The following OR51B5 variants were observed in gnomAD, a reference collection of about 807,000 sequenced individuals.
OR51B5 encodes olfactory receptor 51B5.
For missense variants in OR51B5, 456 were observed against 374.6 expected (o/e 1.22, Z -1.79); for synonymous variants, 186 against 144.8 (o/e 1.28, Z -2.04).
intron 1 of OR51B5, among the ~76,000 whole-genome samples, chr11:5,369,732 C>T (rs913164446): frequency 2.6e-5 from 4 of 152,126 alleles, no homozygotes; most frequent in South Asian, 2.1e-4. Flanking sequence ...TGAACATACT[C>T]AAATAAATAG....
intron 1 of OR51B5, among the ~76,000 whole-genome samples, chr11:5,407,589 A>T (rs1175157889): frequency 6.6e-6 from 1 of 152,094 alleles, no homozygotes; most frequent in African/African-American, 2.4e-5. Flanking sequence ...TAATAGTTGT[A>T]TTAATACCTG....
chr11:5,447,394 G>A (rs910882095), intron 1 of OR51B5, among the ~76,000 whole-genome samples: 23 of 152,214 alleles, frequency 1.5e-4, no homozygotes, highest in African/African-American at 5.5e-4. Flanking sequence ...GCTCACTTTG[G>A]CTGTAGTTCT....
In OR51B5 at chr11:5,364,993, T is replaced by C. The variant is rs565292032; in HGVS notation, n.85-18083A>G. ...GAAGTAACAGAAGGCTACAAGGGGA[T>C]TTCTCAAGTAACTGCTTCTTCTTGT... On this transcript the variant is annotated intron_variant and non_coding_transcript_variant, in intron 1 of 4. Coordinates refer to the OR51B5 transcript ENST00000415970. Among the ~76,000 whole-genome samples, 4 of 152,200 alleles carry C rather than the reference T, an allele frequency of 2.6e-5. No homozygotes were observed. In the South Asian group the frequency reaches 8.3e-4, roughly 32 times the overall value.
At chr11:5,474,112 T>A (rs746410921) in intron 1 of OR51B5, among the ~76,000 whole-genome samples, 2 of 152,186 alleles carry the variant, frequency 1.3e-5, no homozygotes, top group African/African-American at 4.8e-5. Flanking sequence ...TTACTATTTA[T>A]TGATGACCAA....
intron 1 of OR51B5, among the ~76,000 whole-genome samples, chr11:5,406,441 T>C (rs1850059356): frequency 6.6e-6 from 1 of 152,138 alleles, no homozygotes; most frequent in Non-Finnish European, 1.5e-5. Context: ...AATCTCTTGG[T>C]GTCTATGAAA....
At chr11:5,443,046 T>C (rs1158232357) in intron 1 of OR51B5, among the ~76,000 whole-genome samples, 1 of 152,110 alleles carries the variant, frequency 6.6e-6, no homozygotes, top group Admixed American at 6.6e-5. Flanking sequence ...TCAGGCAAAA[T>C]AAACAATAGT....
At chr11:5,438,053 C>T (rs556547158) in intron 1 of OR51B5, among the ~76,000 whole-genome samples, 4 of 152,210 alleles carry the variant, frequency 2.6e-5, no homozygotes, top group Admixed American at 1.3e-4. Context: ...AAAAATTATG[C>T]GTTGGGAACC....
chr11:5,413,501 T>C (rs1850184453), intron 1 of OR51B5, among the ~76,000 whole-genome samples: 1 of 152,008 alleles, frequency 6.6e-6, no homozygotes, highest in African/African-American at 2.4e-5. Context: ...CAGGAGGAAA[T>C]TCAAACCAAA....
intron 1 of OR51B5, chr11:5,440,866 G>T: frequency 6.2e-7 from 1 of 1,613,804 alleles, no homozygotes. Context: ...TAGGAAAGCA[G>T]GATGAAAGTT....
At position 5,423,006 on chromosome 11, in the gene OR51B5, A is replaced by G. The variant is rs540076598; in HGVS notation, n.85-76096T>C. On this transcript the variant is annotated intron_variant and non_coding_transcript_variant, in intron 1 of 4. Transcript: ENST00000415970. ...TCTATGACTCATCGCTTTGCCAAGCATGCCTCTCCACTGGTCCATGTTATC... is the reference window on the plus strand; with the variant it reads ...TCTATGACTCATCGCTTTGCCAAGCGTGCCTCTCCACTGGTCCATGTTATC... The G allele has an allele frequency of 5.6e-6, 9 of 1,614,080 alleles. No homozygotes were observed. In the South Asian group the frequency reaches 7.7e-5, roughly 14 times the overall value.
At chr11:5,447,902 C>A (rs1372209070) in intron 1 of OR51B5, among the ~76,000 whole-genome samples, 1 of 152,140 alleles carries the variant, frequency 6.6e-6, no homozygotes, top group East Asian at 1.9e-4. Context: ...CCCCTCAACC[C>A]CCATCTCAGA....
At chr11:5,425,395 A>G (rs953199773) in intron 1 of OR51B5, among the ~76,000 whole-genome samples, 1 of 152,198 alleles carries the variant, frequency 6.6e-6, no homozygotes, top group Non-Finnish European at 1.5e-5. Context: ...GAGATGAACT[A>G]ACAAGTCAAA....
intron 1 of OR51B5, among the ~76,000 whole-genome samples, chr11:5,369,836 A>G (rs966790750): frequency 2.0e-5 from 3 of 152,198 alleles, no homozygotes; most frequent in African/African-American, 7.2e-5. Context: ...TTTGTGTTAC[A>G]GTGAATGTAG....
Position 5,343,446 on chromosome 11 carries a change from C to T in OR51B5, c.79G>A (p.Val27Ile), listed in dbSNP as rs146946914. ...GATATATACATGAACAAGAAAAATA[C>T]GGAAATCCAGTGATGAGCTTCCTCC... Residue 27 changes from valine (V) to isoleucine (I), a missense_variant, in exon 1 of 1, where the codon GTA (valine) becomes ATA (isoleucine). Physicochemically the swap from Val to Ile is conservative, Grantham distance 29. Transcript: ENST00000300773. 159 of 1,606,176 alleles carry T rather than the reference C, an allele frequency of 9.9e-5. No homozygotes were observed. The African/African-American group carries it at 1.6e-3, about 17-fold the overall frequency.
intron 1 of OR51B5, chr11:5,403,158 T>C (rs923355163): frequency 4.7e-6 from 2 of 427,136 alleles, no homozygotes; most frequent in African/African-American, 3.4e-5. Flanking sequence ...ACCCCAATCT[T>C]ATCTATCTTG....
intron 1 of OR51B5, among the ~76,000 whole-genome samples, chr11:5,475,428 A>G (rs1009932148): frequency 1.3e-5 from 2 of 152,086 alleles, no homozygotes; most frequent in Non-Finnish European, 2.9e-5. Context: ...ATGCTGTTTC[A>G]CATGTCCTGG....
chr11:5,425,237 T>A (rs1340230763), intron 1 of OR51B5, among the ~76,000 whole-genome samples: 2 of 152,058 alleles, frequency 1.3e-5, no homozygotes, highest in African/African-American at 4.8e-5. Flanking sequence ...AAAAGAAAAT[T>A]TTTGTCAATG....
chr11:5,423,243 T>G (rs1002906938), intron 1 of OR51B5: 38 of 1,410,802 alleles, frequency 2.7e-5, no homozygotes, highest in Non-Finnish European at 3.3e-5. Flanking sequence ...AAAATAAAAC[T>G]TCATCATAAT....
upstream of OR51B5, chr11:5,345,657 A>G (rs181902168): frequency 5.3e-5 from 8 of 152,262 alleles, no homozygotes; most frequent in East Asian, 1.5e-3. Flanking sequence ...AACTTCTTGA[A>G]GTTGTTTTTA....
Sources: allele counts gnomAD v4.1 joint callset (sites outside exome capture counted in the v4.1 genomes callset), GRCh38; gene constraint gnomAD v4.1.1; transcripts MANE v1.5; gene names NCBI Gene and HGNC (gene_info 2026-07-23, HGNC 2026-07-21).